The following IQCM variants were observed in gnomAD, a reference collection of about 807,000 sequenced individuals.
IQCM encodes the protein IQ domain-containing protein M.
IQCM carries 45 observed loss-of-function variants against 57.6 expected under a neutral mutation model. The observed-to-expected ratio is 0.78, with a 90% CI of 0.62 to 1.00. IQCM has a LOEUF of 1.00. Among genes scored for constraint, IQCM ranks in the 50% least tolerant of loss-of-function variants. The pLI is 0.00. For synonymous variants in IQCM, 148 were observed against 158.9 expected (o/e 0.93, Z 0.51); for missense variants, 468 against 511.6 (o/e 0.91, Z 0.82).
intron 5 of IQCM, among the ~76,000 whole-genome samples, chr4:149,729,175 G>C (rs890136999): frequency 1.3e-5 from 2 of 152,150 alleles, no homozygotes; most frequent in African/African-American, 4.8e-5. Flanking sequence ...TTTGTCCTGG[G>C]ACGCGCTCTC....
At chr4:149,381,418 C>G (rs991851351) in intron 13 of IQCM, among the ~76,000 whole-genome samples, 1 of 152,112 alleles carries the variant, frequency 6.6e-6, no homozygotes, top group Admixed American at 6.6e-5. Flanking sequence ...ATAATGGCAT[C>G]TCCTCTTTCA....
chr4:149,550,542 T>C (rs1647340117), intron 11 of IQCM, among the ~76,000 whole-genome samples: 1 of 152,224 alleles, frequency 6.6e-6, no homozygotes, highest in East Asian at 1.9e-4. Context: ...TTTGAAACTG[T>C]ATAATTGATA....
At chr4:149,533,110 A>C (rs1393132847) in intron 12 of IQCM, among the ~76,000 whole-genome samples, 5 of 152,130 alleles carry the variant, frequency 3.3e-5, no homozygotes, top group Non-Finnish European at 7.4e-5. Context: ...AGTGTATTTA[A>C]AAAGTCAAGT....
At chr4:149,802,382 C>G (rs1226619958) in intron 2 of IQCM, among the ~76,000 whole-genome samples, 3 of 152,114 alleles carry the variant, frequency 2.0e-5, no homozygotes, top group South Asian at 4.1e-4. Context: ...TGGCTCTTGA[C>G]TGACTGACAC....
intron 13 of IQCM, among the ~76,000 whole-genome samples, chr4:149,363,191 C>A (rs1729611515): frequency 6.6e-6 from 1 of 152,126 alleles, no homozygotes; most frequent in Admixed American, 6.5e-5. Flanking sequence ...GGGCCTTCTG[C>A]CTTCTGCAGG....
At chr4:149,747,852 C>T (rs1211970495) in intron 2 of IQCM, among the ~76,000 whole-genome samples, 1 of 152,096 alleles carries the variant, frequency 6.6e-6, no homozygotes, top group Non-Finnish European at 1.5e-5. Flanking sequence ...TTACCCAGAA[C>T]CAGGAAGTGG....
chr4:149,415,283 A>C (rs1733664730), intron 13 of IQCM, among the ~76,000 whole-genome samples: 1 of 152,294 alleles, frequency 6.6e-6, no homozygotes, highest in Admixed American at 6.5e-5. Context: ...CATTCTTTGT[A>C]ATTGATGATA....
At chr4:149,798,242 G>GT (rs1160893350) in intron 2 of IQCM, among the ~76,000 whole-genome samples, 6 of 151,890 alleles carry the variant, frequency 4.0e-5, no homozygotes, top group Non-Finnish European at 8.8e-5. Flanking sequence ...CTTTTTGCTT[G>GT]TTTTTGCAAA....
At chr4:149,781,391 C>A (rs980930542) in intron 2 of IQCM, among the ~76,000 whole-genome samples, 1 of 152,162 alleles carries the variant, frequency 6.6e-6, no homozygotes, top group African/African-American at 2.4e-5. Context: ...GTGACTCATC[C>A]ATTTGTCCAG....
At chr4:149,423,236 C>T (rs1734235545) in intron 13 of IQCM, among the ~76,000 whole-genome samples, 1 of 151,940 alleles carries the variant, frequency 6.6e-6, no homozygotes, top group African/African-American at 2.4e-5. Flanking sequence ...GAAGGGGAAG[C>T]AGGCACCTTC....
At position 149,745,571 on chromosome 4, in the gene IQCM, T is replaced by A. The variant is rs188794110; in HGVS notation, c.-48-2832A>T. Among the ~76,000 whole-genome samples, 62 of 152,264 alleles carry A rather than the reference T, an allele frequency of 4.1e-4. No individual in the cohort carries two copies. The East Asian group carries it at 0.011, about 26-fold the overall frequency. ...AGGCTCTCTGAAACGGTTACAGGAATGCTAAGGATTTCTAATTCCATTTCT... is the reference window on the plus strand; with the variant it reads ...AGGCTCTCTGAAACGGTTACAGGAAAGCTAAGGATTTCTAATTCCATTTCT... On this transcript the variant is annotated intron_variant, in intron 2 of 13. Coordinates refer to ENST00000636793, the MANE Select transcript of IQCM (RefSeq NM_001363507.2).
chr4:149,367,201 T>C (rs1473814310), intron 13 of IQCM, among the ~76,000 whole-genome samples: 20 of 151,980 alleles, frequency 1.3e-4, no homozygotes, highest in Admixed American at 1.3e-3. Context: ...TTGGAAACCA[T>C]AGCACTATTT....
chr4:149,528,732 C>T (rs1224664614), intron 12 of IQCM, among the ~76,000 whole-genome samples: 2 of 152,040 alleles, frequency 1.3e-5, no homozygotes, highest in Non-Finnish European at 2.9e-5. Flanking sequence ...TTCTCACATG[C>T]CACAGTTTGT....
At chr4:149,522,069 G>C (rs143016721) in intron 12 of IQCM, among the ~76,000 whole-genome samples, 1 of 152,168 alleles carries the variant, frequency 6.6e-6, no homozygotes, top group East Asian at 1.9e-4. Flanking sequence ...CCTCTCACTG[G>C]GGGTGTTACA....
At chr4:149,719,397 AG>A (rs1765262643) in intron 5 of IQCM, among the ~76,000 whole-genome samples, 1 of 152,048 alleles carries the variant, frequency 6.6e-6, no homozygotes, top group Non-Finnish European at 1.5e-5. Context: ...TTAGACCTCC[AG>A]TGACTACCAA....
chr4:149,505,468 A>T (rs1033987403), intron 12 of IQCM, among the ~76,000 whole-genome samples: 21 of 152,316 alleles, frequency 1.4e-4, no homozygotes, highest in African/African-American at 4.8e-4. Flanking sequence ...CTTCTTTAAG[A>T]TTCCCAAAAC....
intron 4 of IQCM, among the ~76,000 whole-genome samples, chr4:149,734,453 A>T (rs1580157023): frequency 6.6e-6 from 1 of 152,190 alleles, no homozygotes; most frequent in African/African-American, 2.4e-5. Context: ...AATGCGTACA[A>T]TGTTGATTAC....
At chr4:149,379,107 C>T (rs1730897033) in intron 13 of IQCM, among the ~76,000 whole-genome samples, 2 of 152,194 alleles carry the variant, frequency 1.3e-5, no homozygotes, top group African/African-American at 4.8e-5. Flanking sequence ...GGTTTGGGAA[C>T]CTCCGCCTAG....
intron 9 of IQCM, among the ~76,000 whole-genome samples, chr4:149,581,304 T>C (rs1455353770): frequency 7.0e-6 from 1 of 142,090 alleles, no homozygotes; most frequent in Non-Finnish European, 1.6e-5. Context: ...TGTATATATA[T>C]ACTTGTGTGT....
Sources: gnomAD v4.1 joint callset for allele counts (sites outside exome capture counted in the v4.1 genomes callset) on GRCh38, gnomAD v4.1.1 for gene constraint, MANE v1.5 for transcripts, NCBI Gene and HGNC (gene_info 2026-07-23, HGNC 2026-07-21) for gene names.